The following LRFN5 variants were observed in gnomAD, a reference collection of about 807,000 sequenced individuals.
The protein encoded by LRFN5 is leucine-rich repeat and fibronectin type-III domain-containing protein 5.
In LRFN5, 24 loss-of-function variants were observed where a neutral mutation model predicts 45.6. That is an observed-to-expected ratio of 0.53 (90% CI 0.38 to 0.74). The LOEUF is 0.74. Among genes scored for constraint, LRFN5 ranks in the 30% least tolerant of loss-of-function variants. The pLI is 0.00. For missense variants in LRFN5, 776 were observed against 861.5 expected (o/e 0.90, Z 1.24); for synonymous variants, 340 against 313.8 (o/e 1.08, Z -0.88).
intron 1 of LRFN5, among the ~76,000 whole-genome samples, chr14:41,675,251 C>T (rs924040637): frequency 6.6e-6 from 1 of 152,194 alleles, no homozygotes; most frequent in Non-Finnish European, 1.5e-5. Flanking sequence ...CCAAGGCAGG[C>T]GGGTGGGAGG....
intron 2 of LRFN5, among the ~76,000 whole-genome samples, chr14:41,832,511 C>T (rs940382057): frequency 6.6e-6 from 1 of 152,146 alleles, no homozygotes. Context: ...ATTATACTAG[C>T]AGCACTATCA....
chr14:41,625,992 A>G lies in LRFN5; in HGVS notation c.-197+17430A>G, dbSNP rs899371253. ...TGGGTAGAAACATACGTAGACACAC[A>G]TAAATGCACATTTGTGAATTTACAT... is the stretch of plus-strand genomic sequence containing the variant. On this transcript the variant is annotated intron_variant, in intron 1 of 5. Coordinates refer to ENST00000298119, the MANE Select transcript of LRFN5 (RefSeq NM_152447.5). 7.2e-5 allele frequency among the ~76,000 whole-genome samples: 11 copies of G among 152,272 alleles called. No homozygotes were observed. In the East Asian group the frequency reaches 2.1e-3, roughly 29 times the overall value.
intron 1 of LRFN5, among the ~76,000 whole-genome samples, chr14:41,631,152 C>T (rs1299945859): frequency 6.6e-6 from 1 of 152,160 alleles, no homozygotes; most frequent in Admixed American, 6.6e-5. Flanking sequence ...GCCCTCCAAA[C>T]CCCAATATAA....
intron 2 of LRFN5, among the ~76,000 whole-genome samples, chr14:41,840,923 T>C (rs1888836505): frequency 6.6e-6 from 1 of 151,990 alleles, no homozygotes; most frequent in South Asian, 2.1e-4. Context: ...TAATATTTTA[T>C]TTTTTGGTTA....
At chr14:41,840,642 T>TC (rs989510915) in intron 2 of LRFN5, among the ~76,000 whole-genome samples, 3 of 152,026 alleles carry the variant, frequency 2.0e-5, no homozygotes, top group African/African-American at 7.2e-5. Context: ...ATATTCTTTT[T>TC]CCCCTCATCC....
intron 2 of LRFN5, among the ~76,000 whole-genome samples, chr14:41,831,065 G>A (rs1260570714): frequency 6.6e-6 from 1 of 152,076 alleles, no homozygotes; most frequent in African/African-American, 2.4e-5. Flanking sequence ...TAAAAACTCA[G>A]TATTTATATT....
At chr14:41,884,548 G>A (rs1890497655) in intron 2 of LRFN5, among the ~76,000 whole-genome samples, 1 of 152,180 alleles carries the variant, frequency 6.6e-6, no homozygotes, top group African/African-American at 2.4e-5. Context: ...ATAACACACA[G>A]GGAAGAGTCC....
intron 1 of LRFN5, among the ~76,000 whole-genome samples, chr14:41,679,813 G>A (rs897884061): frequency 6.6e-6 from 1 of 152,190 alleles, no homozygotes. Context: ...GGCACTTGGA[G>A]TCCTTGATTC....
chr14:41,847,333 CTG>C (rs973405279), intron 2 of LRFN5, among the ~76,000 whole-genome samples: 1 of 152,082 alleles, frequency 6.6e-6, no homozygotes, highest in Non-Finnish European at 1.5e-5. Context: ...TATAGCAAGA[CTG>C]AGATATTCTC....
rs139565873 is a variant in LRFN5 at position 41,711,213 on chromosome 14, C to T, written c.-196-55641C>T. ...GTACACCCACACACATACGCACACG[C>T]ATGCACACATATTTTCAGGAATCGA... On this transcript the variant is annotated intron_variant, in intron 1 of 5. Transcript: ENST00000298119. Among the ~76,000 whole-genome samples the T allele has an allele frequency of 2.1e-3, 316 of 152,234 alleles. 2 individuals carry two copies. Among genetic ancestry groups the T allele is most frequent in the African/African-American group, 6.7e-3 (279 of 41,544 alleles).
intron 1 of LRFN5, among the ~76,000 whole-genome samples, chr14:41,729,397 AGAT>A (rs1884073714): frequency 6.6e-6 from 1 of 152,116 alleles, no homozygotes; most frequent in African/African-American, 2.4e-5. Flanking sequence ...CAATAGAAGC[AGAT>A]GCCAGCACCA....
chr14:41,704,863 ATC>A (rs375302106), intron 1 of LRFN5, among the ~76,000 whole-genome samples: 2 of 152,126 alleles, frequency 1.3e-5, no homozygotes, highest in African/African-American at 4.8e-5. Flanking sequence ...TATATTATAC[ATC>A]TCTGGAGAAA....
chr14:41,697,966 A>C (rs1882686501), intron 1 of LRFN5, among the ~76,000 whole-genome samples: 1 of 152,028 alleles, frequency 6.6e-6, no homozygotes, highest in Non-Finnish European at 1.5e-5. Flanking sequence ...GAAATCAGTC[A>C]GGAGATTGGT....
chr14:41,691,642 T>A (rs1882383307), intron 1 of LRFN5, among the ~76,000 whole-genome samples: 1 of 152,110 alleles, frequency 6.6e-6, no homozygotes, highest in East Asian at 1.9e-4. Context: ...AATACATAGA[T>A]CTTAAATGAT....
intron 1 of LRFN5, among the ~76,000 whole-genome samples, chr14:41,758,537 A>G (rs1885511348): frequency 6.6e-6 from 1 of 152,218 alleles, no homozygotes; most frequent in Non-Finnish European, 1.5e-5. Context: ...GCTTTGTGTC[A>G]GTCACAGATT....
At chr14:41,811,118 C>G (rs896919839) in intron 2 of LRFN5, among the ~76,000 whole-genome samples, 2 of 151,874 alleles carry the variant, frequency 1.3e-5, no homozygotes, top group African/African-American at 4.8e-5. Context: ...ATAATCTGAA[C>G]AGACATTTCT....
chr14:41,812,265 C>G (rs935656934), intron 2 of LRFN5, among the ~76,000 whole-genome samples: 7 of 151,832 alleles, frequency 4.6e-5, no homozygotes, highest in African/African-American at 1.7e-4. Flanking sequence ...CAAAACAGGT[C>G]TTCATTTTTT....
At chr14:41,828,449 A>C (rs926523530) in intron 2 of LRFN5, among the ~76,000 whole-genome samples, 1 of 152,020 alleles carries the variant, frequency 6.6e-6, no homozygotes, top group African/African-American at 2.4e-5. Flanking sequence ...CAAGTAGTTG[A>C]TGAAGAAATG....
intron 1 of LRFN5, among the ~76,000 whole-genome samples, chr14:41,760,381 C>G (rs1885609639): frequency 6.6e-6 from 1 of 152,086 alleles, no homozygotes; most frequent in Non-Finnish European, 1.5e-5. Context: ...TGTCACTGTG[C>G]CTTGCTTCTA....
Sources: gnomAD v4.1 joint callset for allele counts (sites outside exome capture counted in the v4.1 genomes callset) on GRCh38, gnomAD v4.1.1 for gene constraint, MANE v1.5 for transcripts, NCBI Gene and HGNC (gene_info 2026-07-23, HGNC 2026-07-21) for gene names.